Variants in OTUD7A observed in about 807,000 individuals in gnomAD.
The protein encoded by OTUD7A is OTU domain-containing protein 7A.
In OTUD7A, 12 loss-of-function variants were observed where a neutral mutation model predicts 65.7. The ratio of observed to expected loss-of-function variants is 0.18; its 90% CI spans 0.12 to 0.30. OTUD7A has a LOEUF of 0.30. OTUD7A is among the 10% of genes least tolerant of loss of function. The pLI, the probability that OTUD7A is intolerant of heterozygous loss-of-function variation, is 1.00. For synonymous variants in OTUD7A, 641 were observed against 586.3 expected, an observed-to-expected ratio of 1.09 and a Z score of -1.35; for missense variants, 1,148 against 1,304.8, an observed-to-expected ratio of 0.88 and a Z score of 1.85.
At chr15:31,718,075 G>A (rs1893639519) in intron 1 of OTUD7A, among the ~76,000 whole-genome samples, 1 of 152,140 alleles carries the variant, frequency 6.6e-6, no homozygotes, top group Non-Finnish European at 1.5e-5. Flanking sequence ...TTGCTGGCAG[G>A]AACACTGTGG....
chr15:31,727,698 T>C (rs1488467803), intron 1 of OTUD7A, among the ~76,000 whole-genome samples: 1 of 152,226 alleles, frequency 6.6e-6, no homozygotes, highest in African/African-American at 2.4e-5. Flanking sequence ...ATGGCCCTGT[T>C]ACCAATACTG....
intron 8 of OTUD7A, among the ~76,000 whole-genome samples, chr15:31,519,529 C>A (rs2041910484): frequency 1.3e-5 from 2 of 152,182 alleles, no homozygotes; most frequent in Non-Finnish European, 2.9e-5. Context: ...CTATGACAAA[C>A]CCACAGCTAA....
At position 31,558,880 on chromosome 15, in the gene OTUD7A, GT is replaced by G. The variant is rs770020369; in HGVS notation, c.550+88del. ...AAAACTGCCCAGAGTCTGAGAACAT[GT>G]GCCCTTCTCTTGCTCATAGAGTAGG... On this transcript the variant is annotated intron_variant, in intron 5 of 12. Transcript: ENST00000307050. 1.5e-5 allele frequency: 21 copies of G among 1,380,248 alleles called. No individual in the cohort carries two copies. In the African/African-American group the frequency reaches 2.4e-4, roughly 16 times the overall value. The allele number at this position is 1,380,248 out of a possible 1,614,324, so 85.5% of individuals were successfully genotyped here.
intron 1 of OTUD7A, among the ~76,000 whole-genome samples, chr15:31,770,373 A>G (rs1005826866): frequency 6.6e-6 from 1 of 152,238 alleles, no homozygotes; most frequent in African/African-American, 2.4e-5. Context: ...ATACAAAAAG[A>G]AAGTAGAAAA....
chr15:31,658,419 C>T (rs1300420263), intron 1 of OTUD7A, among the ~76,000 whole-genome samples: 2 of 152,106 alleles, frequency 1.3e-5, no homozygotes, highest in Admixed American at 6.5e-5. Flanking sequence ...GGTGGGGGCT[C>T]CTGCCTTCAA....
chr15:31,507,444 T>C (rs753741818), intron 8 of OTUD7A, among the ~76,000 whole-genome samples: 9 of 152,258 alleles, frequency 5.9e-5, no homozygotes, highest in Middle Eastern at 3.4e-3. Flanking sequence ...TAGGCTGTAG[T>C]GTATCCGGAG....
chr15:31,843,337 A>AG (rs1897229679), intron 1 of OTUD7A, among the ~76,000 whole-genome samples: 1 of 151,880 alleles, frequency 6.6e-6, no homozygotes. Context: ...TCTCCAAAAA[A>AG]AAAAAAAAAA....
At chr15:31,748,704 C>G (rs1422370875) in intron 1 of OTUD7A, among the ~76,000 whole-genome samples, 1 of 152,026 alleles carries the variant, frequency 6.6e-6, no homozygotes, top group African/African-American at 2.4e-5. Flanking sequence ...CCCTATGAAC[C>G]AGCAATTTCA....
In OTUD7A at chr15:31,631,187, T is replaced by C. The variant is rs138874120; in HGVS notation, c.151+23909A>G. Among the ~76,000 whole-genome samples the C allele has an allele frequency of 4.4e-3, 667 of 152,358 alleles. 8 individuals carry two copies. The highest frequency in any genetic ancestry group is 0.015 in the African/African-American group (628 of 41,584). On this transcript the variant is annotated intron_variant, in intron 3 of 12. Coordinates refer to ENST00000307050, the MANE Select transcript of OTUD7A (RefSeq NM_001382637.1). ...GATGCAGTTTTCTTCCTAGCCTTGATGGTCTTTACATTTTGGCATGTTTTT... is the reference window on the plus strand; with the variant it reads ...GATGCAGTTTTCTTCCTAGCCTTGACGGTCTTTACATTTTGGCATGTTTTT...
At chr15:31,799,193 A>G (rs531494253) in intron 1 of OTUD7A, among the ~76,000 whole-genome samples, 2 of 152,338 alleles carry the variant, frequency 1.3e-5, no homozygotes, top group East Asian at 3.9e-4. Context: ...GCACCTGGAC[A>G]TGAACAGTGG....
chr15:31,823,971 T>C (rs752220656), intron 1 of OTUD7A, among the ~76,000 whole-genome samples: 39 of 152,256 alleles, frequency 2.6e-4, no homozygotes, highest in Non-Finnish European at 4.6e-4. Context: ...GTTATTTCAT[T>C]CATAATGCAT....
In OTUD7A at chr15:31,476,663, G is replaced by C. The variant is rs1020942128; in HGVS notation, c.*6631C>G. Reference sequence around the variant, plus strand: ...TGGACAGCTGCAGAGAGGGCATCACGATGGAGACCTTATGCCCCCTCCCAC... The same window carrying C: ...TGGACAGCTGCAGAGAGGGCATCACCATGGAGACCTTATGCCCCCTCCCAC... On this transcript the variant is annotated 3_prime_UTR_variant, in exon 13 of 13. Coordinates refer to ENST00000307050, the MANE Select transcript of OTUD7A (RefSeq NM_001382637.1). The C allele has an allele frequency of 6.6e-6, 1 of 152,290 alleles. No individual in the cohort carries two copies. The highest frequency in any genetic ancestry group is 1.5e-5 in the Non-Finnish European group (1 of 68,066). The allele number at this position is 152,290 out of a possible 1,614,324, so 9.4% of individuals were successfully genotyped here. A position where few individuals can be genotyped will look rare whatever the true frequency, so the allele number is the denominator to read the frequency against.
At chr15:31,814,877 T>C (rs547463193) in intron 1 of OTUD7A, among the ~76,000 whole-genome samples, 3 of 152,280 alleles carry the variant, frequency 2.0e-5, no homozygotes, top group African/African-American at 4.8e-5. Flanking sequence ...TTTTTTTGCA[T>C]AGATATGAAT....
At chr15:31,794,741 T>C (rs1273189443) in intron 1 of OTUD7A, among the ~76,000 whole-genome samples, 3 of 152,084 alleles carry the variant, frequency 2.0e-5, no homozygotes, top group African/African-American at 7.2e-5. Context: ...GGATGCTCCT[T>C]CCCTACTGGG....
intron 1 of OTUD7A, among the ~76,000 whole-genome samples, chr15:31,829,419 T>A (rs747182962): frequency 6.6e-6 from 1 of 152,224 alleles, no homozygotes; most frequent in Non-Finnish European, 1.5e-5. Flanking sequence ...GCTTCTGCCA[T>A]CTTTCGTCTT....
At chr15:31,574,056 A>C (rs1317235491) in intron 3 of OTUD7A, among the ~76,000 whole-genome samples, 7 of 152,200 alleles carry the variant, frequency 4.6e-5, no homozygotes, top group African/African-American at 1.7e-4. Context: ...GAATGAAGGA[A>C]GAAGATAGAA....
At chr15:31,599,226 G>A (rs1890002090) in intron 3 of OTUD7A, among the ~76,000 whole-genome samples, 1 of 152,200 alleles carries the variant, frequency 6.6e-6, no homozygotes, top group South Asian at 2.1e-4. Context: ...CACCTCCCAG[G>A]AGGGGCCAAC....
At chr15:31,520,249 T>G (rs1190062733) in intron 8 of OTUD7A, among the ~76,000 whole-genome samples, 1 of 152,202 alleles carries the variant, frequency 6.6e-6, no homozygotes, top group Non-Finnish European at 1.5e-5. Flanking sequence ...ACTACAAGGT[T>G]ATAGTAAACA....
intron 3 of OTUD7A, among the ~76,000 whole-genome samples, chr15:31,627,932 G>A (rs1227134423): frequency 6.6e-6 from 1 of 152,058 alleles, no homozygotes; most frequent in African/African-American, 2.4e-5. Flanking sequence ...ACTTGTTGAT[G>A]GGGTTGTTTG....
Sources: gnomAD v4.1 joint callset for allele counts (sites outside exome capture counted in the v4.1 genomes callset) on GRCh38, gnomAD v4.1.1 for gene constraint, MANE v1.5 for transcripts, NCBI Gene and HGNC (gene_info 2026-07-23, HGNC 2026-07-21) for gene names.